Variants in HTR4 observed in about 807,000 individuals in gnomAD.
HTR4 encodes 5-hydroxytryptamine (serotonin) receptor 4, G protein-coupled.
In HTR4, 16 loss-of-function variants were observed where a neutral mutation model predicts 36.8. The ratio of observed to expected loss-of-function variants is 0.43; its 90% CI spans 0.29 to 0.66. The LOEUF (loss-of-function observed/expected upper bound fraction) is 0.66. HTR4 is among the 30% of genes least tolerant of loss of function. HTR4 has a pLI of 0.13. For synonymous variants in HTR4, 189 were observed against 185.1 expected (o/e 1.02, Z -0.17); for missense variants, 438 against 490.9 (o/e 0.89, Z 1.02).
In HTR4 at chr5:148,514,931, C is replaced by A. The variant is rs192249769; in HGVS notation, c.508-4907G>T. On this transcript the variant is annotated intron_variant, in intron 5 of 6. Transcript: ENST00000377888. Reference sequence around the variant, plus strand: ...TTTCTGCCACTTTATATTTAATGGTCCTCTCTTACAAGCAGCATATATTTG... The same window carrying A: ...TTTCTGCCACTTTATATTTAATGGTACTCTCTTACAAGCAGCATATATTTG... 8.6e-3 allele frequency among the ~76,000 whole-genome samples: 1,307 copies of A among 151,990 alleles called. 52 individuals carry two copies. The highest frequency in any genetic ancestry group is 0.077 in the Admixed American group (1,169 of 15,258).
Position 148,509,844 on chromosome 5 carries a change from G to C in HTR4, c.688C>G (p.Gln230Glu). 6.2e-7 allele frequency: 1 copy of C among 1,614,014 alleles called. No homozygotes were observed. Among genetic ancestry groups the C allele is most frequent in the Non-Finnish European group, 8.5e-7 (1 of 1,180,000 alleles). Residue 230 changes from glutamine (Q) to glutamate (E), a missense_variant, in exon 6 of 7, where the codon CAA becomes GAA. Physicochemically the swap from Gln to Glu is conservative, Grantham distance 29 (BLOSUM62 2). Transcript: ENST00000377888. ...CTCTCGGAGGAGGCTCCTGCCCGTT[G>C]TAACATCTGGATCTGATGGGCATGC... ...KEHAHQIQML[Q>E]RAGASSESRP...
intron 6 of HTR4, among the ~76,000 whole-genome samples, chr5:148,503,182 C>T (rs1480055847): frequency 3.9e-5 from 6 of 152,134 alleles, no homozygotes; most frequent in Non-Finnish European, 8.8e-5. Flanking sequence ...CTCCAAGACA[C>T]ATAATTGTCA....
intron 6 of HTR4, among the ~76,000 whole-genome samples, chr5:148,498,538 T>C (rs1380199807): frequency 6.6e-6 from 1 of 152,158 alleles, no homozygotes; most frequent in East Asian, 1.9e-4. Context: ...ATACAGTTCC[T>C]AGAGAAGAGG....
intron 2 of HTR4, among the ~76,000 whole-genome samples, chr5:148,615,373 C>T (rs1434923492): frequency 6.6e-6 from 1 of 151,534 alleles, no homozygotes; most frequent in Non-Finnish European, 1.5e-5. Context: ...AGTTCATGTC[C>T]TTTGTAGGGA....
intron 5 of HTR4, among the ~76,000 whole-genome samples, chr5:148,520,303 G>A (rs1163948983): frequency 1.3e-5 from 2 of 152,016 alleles, no homozygotes; most frequent in Admixed American, 1.3e-4. Flanking sequence ...GGTGAATTAG[G>A]GTCCATTTTA....
At chr5:148,504,547 A>G (rs562381715) in intron 6 of HTR4, among the ~76,000 whole-genome samples, 1 of 152,372 alleles carries the variant, frequency 6.6e-6, no homozygotes, top group East Asian at 1.9e-4. Context: ...AGCAGGAAAG[A>G]TCTAAAATTG....
At chr5:148,547,810 G>A (rs1012440874) in intron 4 of HTR4, among the ~76,000 whole-genome samples, 1 of 151,996 alleles carries the variant, frequency 6.6e-6, no homozygotes, top group Non-Finnish European at 1.5e-5. Context: ...GGTTTGTTGG[G>A]TTGCTCAAGA....
At chr5:148,519,988 A>G (rs901269449) in intron 5 of HTR4, among the ~76,000 whole-genome samples, 4 of 152,208 alleles carry the variant, frequency 2.6e-5, no homozygotes, top group African/African-American at 9.6e-5. Flanking sequence ...TAACGAGTCA[A>G]CATATAAATT....
intron 2 of HTR4, among the ~76,000 whole-genome samples, chr5:148,580,773 C>T (rs1342728456): frequency 6.6e-6 from 1 of 152,022 alleles, no homozygotes; most frequent in East Asian, 1.9e-4. Context: ...ATTCATTCAT[C>T]TGTTGATAGA....
chr5:148,644,696 G>T (rs1366447784), intron 1 of HTR4: 1 of 152,120 alleles, frequency 6.6e-6, no homozygotes, highest in Non-Finnish European at 1.5e-5. Context: ...AAGGGGATAG[G>T]AAGGTGGGAT....
At chr5:148,491,322 A>C (rs535877137) in intron 6 of HTR4, among the ~76,000 whole-genome samples, 1 of 147,196 alleles carries the variant, frequency 6.8e-6, no homozygotes, top group Admixed American at 6.8e-5. Flanking sequence ...GGCGCTATAT[A>C]TTTTTTTTTT....
intron 2 of HTR4, among the ~76,000 whole-genome samples, chr5:148,581,799 A>T (rs569427614): frequency 1.8e-4 from 28 of 152,084 alleles, no homozygotes; most frequent in Non-Finnish European, 1.5e-4. Context: ...CTTACTATTC[A>T]AAATTGTCTT....
chr5:148,474,752 A>C (rs72832047), downstream of HTR4, among the ~76,000 whole-genome samples: 2,675 of 152,300 alleles, frequency 0.018, 43 homozygotes, highest in Middle Eastern at 0.034. Context: ...AGACAGATCT[A>C]GGTTTGTAGC....
intron 2 of HTR4, among the ~76,000 whole-genome samples, chr5:148,607,078 C>T (rs919515842): frequency 2.6e-5 from 4 of 152,180 alleles, no homozygotes; most frequent in African/African-American, 9.7e-5. Context: ...GAAGCACTGG[C>T]TTTGGCATTG....
chr5:148,615,277 A>T (rs1259249657), intron 2 of HTR4, among the ~76,000 whole-genome samples: 1 of 152,066 alleles, frequency 6.6e-6, no homozygotes, highest in Admixed American at 6.5e-5. Flanking sequence ...CTTGGAACCA[A>T]CCCAAATGTC....
intron 4 of HTR4, among the ~76,000 whole-genome samples, chr5:148,533,929 T>G (rs1758692277): frequency 6.6e-6 from 1 of 152,236 alleles, no homozygotes; most frequent in Non-Finnish European, 1.5e-5. Flanking sequence ...CTCTACATTA[T>G]TTAACAAATA....
chr5:148,652,439 C>T (rs138208485), intron 1 of HTR4, among the ~76,000 whole-genome samples: 511 of 152,154 alleles, frequency 3.4e-3, no homozygotes, highest in Non-Finnish European at 5.6e-3. Context: ...CAGGTGCTGT[C>T]CTTTAGTCTG....
intron 2 of HTR4, among the ~76,000 whole-genome samples, chr5:148,556,477 G>A (rs1239983488): frequency 6.6e-6 from 1 of 152,156 alleles, no homozygotes; most frequent in Non-Finnish European, 1.5e-5. Flanking sequence ...TATGTATTGA[G>A]TGCCAACTAT....
chr5:148,586,690 G>A (rs753344736), intron 2 of HTR4, among the ~76,000 whole-genome samples: 49 of 152,154 alleles, frequency 3.2e-4, no homozygotes, highest in Non-Finnish European at 6.6e-4. Flanking sequence ...TATCAAGGAG[G>A]AAAGTGAAGT....
Sources: allele counts gnomAD v4.1 joint callset (sites outside exome capture counted in the v4.1 genomes callset), GRCh38; gene constraint gnomAD v4.1.1; transcripts MANE v1.5; gene names NCBI Gene and HGNC (gene_info 2026-07-23, HGNC 2026-07-21).